The following MAPKBP1 variants were observed in gnomAD, a reference collection of about 807,000 sequenced individuals.
The protein encoded by MAPKBP1 is mitogen-activated protein kinase binding protein 1.
Under a neutral mutation model 170.5 loss-of-function variants are expected in MAPKBP1, and 71 were observed. That is an observed-to-expected ratio of 0.42 (90% confidence interval 0.34 to 0.51). The LOEUF is 0.51. Among genes scored for constraint, MAPKBP1 ranks in the 20% least tolerant of loss-of-function variants. The probability of loss-of-function intolerance (pLI) is 0.06; values close to 1 mark genes in which losing one functional copy is unlikely to be tolerated. For missense variants in MAPKBP1, 1,598 were observed against 1,933.0 expected, an observed-to-expected ratio of 0.83 and a Z score of 3.25; for synonymous variants, 719 against 757.9, an observed-to-expected ratio of 0.95 and a Z score of 0.84.
At chr15:41,823,269 C>T in intron 28 of MAPKBP1, 47 bp downstream of exon 28, 2 of 1,589,646 alleles carry the variant, frequency 1.3e-6, no homozygotes, top group South Asian at 2.3e-5. Context: ...GTGTATGGAA[C>T]ACATGTACAT....
intron 2 of MAPKBP1, among the ~76,000 whole-genome samples, chr15:41,785,701 A>T (rs958208191): frequency 6.6e-6 from 1 of 152,192 alleles, no homozygotes; most frequent in Non-Finnish European, 1.5e-5. Flanking sequence ...GAGTAAAATA[A>T]TCTATTAAAA....
intron 2 of MAPKBP1, among the ~76,000 whole-genome samples, chr15:41,798,634 A>C (rs747282679): frequency 6.6e-6 from 1 of 152,132 alleles, no homozygotes; most frequent in Non-Finnish European, 1.5e-5. Context: ...GAGAAGGAGA[A>C]ACTCCAAAAC....
At chr15:41,821,211 T>C in intron 23 of MAPKBP1, 143 bp downstream of exon 23, 1 of 783,798 alleles carries the variant, frequency 1.3e-6, no homozygotes. Flanking sequence ...AAAGCCAGGA[T>C]GGGGGTGGCT....
intron 2 of MAPKBP1, among the ~76,000 whole-genome samples, chr15:41,788,119 G>C (rs1180166051): frequency 6.6e-6 from 1 of 151,616 alleles, no homozygotes; most frequent in Non-Finnish European, 1.5e-5. Flanking sequence ...CACCATGCCC[G>C]GCTAATTTTT....
rs532694985 is a variant in MAPKBP1 at position 41,815,683 on chromosome 15, G to T, written c.1377G>T (p.Leu459=). The change falls in exon 12 of 31, where the codon CTG becomes CTT. Residue 459 remains leucine (L), a synonymous_variant. Transcript: ENST00000457542. ...GNTQALLDTE[L]PGGDKADASL... ...CCCAGGCCCTGCTGGACACAGAGCT[G>T]CCTGGAGGAGACAAAGCTGATGCAT... 9 of 1,614,146 alleles carry T rather than the reference G, an allele frequency of 5.6e-6. No individual in the cohort carries two copies. The African/African-American group carries it at 9.3e-5, about 17-fold the overall frequency.
Position 41,818,622 on chromosome 15 carries a change from T to C in MAPKBP1, c.2156+40T>C, listed in dbSNP as rs781354316. 1.3e-5 allele frequency: 20 copies of C among 1,583,476 alleles called. No homozygotes were observed. The highest frequency in any genetic ancestry group is 1.4e-5 in the Non-Finnish European group (16 of 1,158,200). ...GCTTCCCTGAGAGGCAGATTCTTAC[T>C]CTGCCACAGCACCCTGCCCTCCCCT... On this transcript the variant is annotated intron_variant, in intron 19 of 30. Coordinates refer to ENST00000457542, the MANE Select transcript of MAPKBP1 (RefSeq NM_014994.3). The surrounding 1 kb of genome is among the most constrained non-coding windows in gnomAD (Gnocchi z 5.2).
intron 3 of MAPKBP1, among the ~76,000 whole-genome samples, chr15:41,807,571 C>T (rs1192272936): frequency 6.6e-6 from 1 of 152,196 alleles, no homozygotes; most frequent in Non-Finnish European, 1.5e-5. Flanking sequence ...CCCATTCAGA[C>T]TAGAGCCTTT....
At chr15:41,806,960 T>C (rs1294951018) in intron 3 of MAPKBP1, among the ~76,000 whole-genome samples, 2 of 152,220 alleles carry the variant, frequency 1.3e-5, no homozygotes, top group African/African-American at 2.4e-5. Context: ...CTTCAGCATC[T>C]GCGTTATCGT....
At chr15:41,811,082 T>A in intron 4 of MAPKBP1, 96 bp from the exon 5 acceptor site, 1 of 1,535,974 alleles carries the variant, frequency 6.5e-7, no homozygotes, top group South Asian at 1.1e-5. Context: ...ACATGTGCCA[T>A]TGGTGTCTGC....
chr15:41,776,381 G>A, intron 2 of MAPKBP1, among the ~76,000 whole-genome samples: 1 of 152,222 alleles, frequency 6.6e-6, no homozygotes, highest in South Asian at 2.1e-4. Context: ...GTTCTGGGAG[G>A]ACTTAGTTCA....
Position 41,795,201 on chromosome 15 carries a change from C to T in MAPKBP1, c.115-4622C>T, listed in dbSNP as rs1401277008. ...AAAAAAGAAAAAGAAAAAAGAAAAA[C>T]TAAGGCTGGGTAAATTGGGTATAAG... On this transcript the variant is annotated intron_variant, in intron 2 of 30. Coordinates refer to ENST00000457542, the MANE Select transcript of MAPKBP1 (RefSeq NM_014994.3). Among the ~76,000 whole-genome samples, 4 of 149,154 alleles carry T rather than the reference C, an allele frequency of 2.7e-5. No individual in the cohort carries two copies. The East Asian group carries it at 7.8e-4, about 29-fold the overall frequency.
rs572232629 is a variant in MAPKBP1, at chr15:41,810,523, G to A, written c.207-360G>A. ...AGAGTTTGGGACCAGCCTGGGCAAC[G>A]TGGCAAGATCCCGTGTCTACAAAAA... On this transcript the variant is annotated intron_variant, in intron 3 of 30. Coordinates refer to ENST00000457542, the MANE Select transcript of MAPKBP1 (RefSeq NM_014994.3). Among the ~76,000 whole-genome samples the A allele has an allele frequency of 1.4e-4, 20 of 144,196 alleles. 1 individual carries two copies. In the South Asian group the frequency reaches 3.6e-3, roughly 26 times the overall value. The allele number at this position is 144,196 out of a possible 152,430, so 94.6% of individuals were successfully genotyped here.
intron 2 of MAPKBP1, among the ~76,000 whole-genome samples, chr15:41,792,277 G>T (rs907880570): frequency 2.0e-5 from 3 of 151,798 alleles, no homozygotes; most frequent in Non-Finnish European, 4.4e-5. Flanking sequence ...TGATTTTGCT[G>T]GCCCTCTTTC....
rs750119183 is a variant in MAPKBP1, at chr15:41,775,227, C to A, written c.-49C>A. On this transcript the variant is annotated 5_prime_UTR_variant, in exon 2 of 31. Transcript: ENST00000457542. The stretch of plus-strand genomic sequence containing the variant: ...TGGGAAGACAGTGCCGCTGTTGAGA[C>A]AAGACCCAGGACTGGGCCGGGGACT... The A allele has an allele frequency of 5.6e-5, 84 of 1,494,702 alleles. No homozygotes were observed. Among genetic ancestry groups the A allele is most frequent in the Non-Finnish European group, 7.4e-5 (79 of 1,073,552 alleles). The allele number at this position is 1,494,702 out of a possible 1,614,324, so 92.6% of individuals were successfully genotyped here. A position where few individuals can be genotyped will look rare whatever the true frequency, so the allele number is the denominator to read the frequency against.
chr15:41,824,098 T>C (rs2065049880), intron 29 of MAPKBP1, 37 bp downstream of exon 29: 1 of 1,555,176 alleles, frequency 6.4e-7, no homozygotes, highest in South Asian at 1.2e-5. Flanking sequence ...TCCTGCCCCA[T>C]CCTTACTCTC....
chr15:41,805,176 G>T (rs959768979), intron 3 of MAPKBP1, among the ~76,000 whole-genome samples: 1 of 152,220 alleles, frequency 6.6e-6, no homozygotes, highest in Non-Finnish European at 1.5e-5. Context: ...CAGGAAAGGA[G>T]GGTGGGCAGT....
intron 3 of MAPKBP1, among the ~76,000 whole-genome samples, chr15:41,801,963 T>C (rs937008343): frequency 3.9e-5 from 6 of 152,206 alleles, no homozygotes; most frequent in Non-Finnish European, 7.3e-5. Context: ...AGTTTCGTTG[T>C]TGAGTGAACA....
chr15:41,809,276 GA>G (rs141881768), intron 3 of MAPKBP1, among the ~76,000 whole-genome samples: 3 of 149,754 alleles, frequency 2.0e-5, no homozygotes, highest in Non-Finnish European at 3.0e-5. Flanking sequence ...AAAGAAGGAG[GA>G]AAAAAAAACA....
chr15:41,782,595 G>A (rs576724199), intron 2 of MAPKBP1, among the ~76,000 whole-genome samples: 79 of 152,162 alleles, frequency 5.2e-4, no homozygotes, highest in Non-Finnish European at 1.0e-4. Flanking sequence ...TAGTTACATA[G>A]CCAGTGAGTG....
Sources: allele counts gnomAD v4.1 joint callset (sites outside exome capture counted in the v4.1 genomes callset), GRCh38; gene constraint gnomAD v4.1.1; non-coding constraint Gnocchi (gnomAD v3.1); transcripts MANE v1.5; gene names NCBI Gene and HGNC (gene_info 2026-07-23, HGNC 2026-07-21).